Variants in ZC2HC1B observed in about 807,000 individuals in gnomAD.
The protein encoded by ZC2HC1B is zinc finger C2HC domain-containing protein 1B.
A neutral mutation model predicts 31.0 loss-of-function variants in ZC2HC1B; 36 were observed. The observed-to-expected ratio is 1.16, with a 90% CI of 0.89 to 1.54. ZC2HC1B has a LOEUF of 1.54. Ranked by LOEUF, ZC2HC1B falls within the 40% of genes most tolerant of loss-of-function variation. The probability of loss-of-function intolerance (pLI) is 0.00; values close to 1 mark genes in which losing one functional copy is unlikely to be tolerated. For missense variants in ZC2HC1B, 260 were observed against 268.6 expected (o/e 0.97, Z 0.22); for synonymous variants, 73 against 88.0 (o/e 0.83, Z 0.95).
At position 143,934,441 on chromosome 6, in the gene ZC2HC1B, C is replaced by T. The variant is rs1467621763; in HGVS notation, c.599-3208C>T. ...TTATGATTTTGAATTCCTTTTCTGG[C>T]ATTTCATCAATTTTTTTGTTGCAAT... On this transcript the variant is annotated intron_variant, in intron 6 of 7. Transcript: ENST00000237275. The surrounding 1 kb of genome is among the most constrained non-coding windows in gnomAD (Gnocchi z 4.6). Among the ~76,000 whole-genome samples the T allele has an allele frequency of 6.6e-6, 1 of 152,198 alleles. No homozygotes were observed. The highest frequency in any genetic ancestry group is 1.9e-4 in the East Asian group (1 of 5,194).
At position 143,922,424 on chromosome 6, in the gene ZC2HC1B, T is replaced by C. The variant is rs1007453307; in HGVS notation, c.599-15225T>C. Among the ~76,000 whole-genome samples the C allele has an allele frequency of 1.3e-5, 2 of 152,216 alleles. No homozygotes were observed. Among genetic ancestry groups the C allele is most frequent in the East Asian group, 1.9e-4 (1 of 5,198 alleles). ...CTATCAAACACTAGAACTTATTCTT[T>C]CTATCTAACTGTATTTCGTACCTAC... On this transcript the variant is annotated intron_variant, in intron 6 of 7. Transcript: ENST00000237275. The surrounding 1 kb of genome is among the most constrained non-coding windows in gnomAD (Gnocchi z 5.0).
Position 143,886,037 on chromosome 6 carries a change from G to A in ZC2HC1B, c.96G>A (p.Arg32=), listed in dbSNP as rs1162633568. ...CCCTACTCTTCGTTTTCTAGGAAAG[G>A]CATGGACCAATATGTAAGAAACTCT... ...GRRFAADVLE[R]HGPICKKLFN... is the part of the protein sequence containing the mutation. Residue 32 remains arginine (R), a synonymous_variant, in exon 3 of 8, where the codon AGG becomes AGA. Coordinates refer to ENST00000237275, the MANE Select transcript of ZC2HC1B (RefSeq NM_001013623.3). This position sits in a 1 kb window ranked among gnomAD's most constrained non-coding sequence, Gnocchi z 4.2. The A allele has an allele frequency of 4.6e-6, 7 of 1,530,692 alleles. No homozygotes were observed. The highest frequency in any genetic ancestry group is 5.3e-6 in the Non-Finnish European group (6 of 1,140,562). 94.8% of individuals were successfully genotyped at this position (1,530,692 alleles called of 1,614,324 possible).
At position 143,882,334 on chromosome 6, in the gene ZC2HC1B, TTATATATA is replaced by T. The variant is rs59777839; in HGVS notation, c.29-1942_29-1935del. On this transcript the variant is annotated intron_variant, in intron 1 of 7. Coordinates refer to ENST00000237275, the MANE Select transcript of ZC2HC1B (RefSeq NM_001013623.3). ...AATATGTATACATATTTTATATTTTTTATATATATATATATATATATATATATATATAT... is the reference window on the plus strand; with the variant it reads ...AATATGTATACATATTTTATATTTTTTATATATATATATATATATATATAT... 8.4e-4 allele frequency among the ~76,000 whole-genome samples: 72 copies of T among 85,536 alleles called. 3 individuals are homozygous for T. The highest frequency in any genetic ancestry group is 3.7e-3 in the African/African-American group (58 of 15,696). 56.1% of individuals were successfully genotyped at this position (85,536 alleles called of 152,430 possible). A position where few individuals can be genotyped will look rare whatever the true frequency, so the allele number is the denominator to read the frequency against.
intron 6 of ZC2HC1B, among the ~76,000 whole-genome samples, chr6:143,928,476 T>A (rs1204544205): frequency 1.4e-4 from 22 of 152,202 alleles, no homozygotes; most frequent in Non-Finnish European, 1.0e-4. Flanking sequence ...TCTATATGTC[T>A]ATGTTTATAC....
rs1777880855 is a variant in ZC2HC1B at position 143,913,199 on chromosome 6, G to A, written c.598+10047G>A. On this transcript the variant is annotated intron_variant, in intron 6 of 7. Transcript: ENST00000237275. This position sits in a 1 kb window ranked among gnomAD's most constrained non-coding sequence, Gnocchi z 5.7. Reference sequence around the variant, plus strand: ...CTCTGTCCCTAATATGTGCAGGCAGGTGTGGCTGGAGTGTCCAGCTAGAAG... The same window carrying A: ...CTCTGTCCCTAATATGTGCAGGCAGATGTGGCTGGAGTGTCCAGCTAGAAG... Among the ~76,000 whole-genome samples, 1 of 152,202 alleles carries A rather than the reference G, an allele frequency of 6.6e-6. No individual in the cohort carries two copies. The highest frequency in any genetic ancestry group is 6.5e-5 in the Admixed American group (1 of 15,286).
In ZC2HC1B at chr6:143,908,415, A is replaced by G. The variant is rs1216580356; in HGVS notation, c.598+5263A>G. On this transcript the variant is annotated intron_variant, in intron 6 of 7. Coordinates refer to ENST00000237275, the MANE Select transcript of ZC2HC1B (RefSeq NM_001013623.3). The surrounding 1 kb of genome is among the most constrained non-coding windows in gnomAD (Gnocchi z 4.4). Reference sequence around the variant, plus strand: ...GATTCTTCCTATTCATGAGCATGGTATATTTTTCCATTTGTTTGTGTCATC... The same window carrying G: ...GATTCTTCCTATTCATGAGCATGGTGTATTTTTCCATTTGTTTGTGTCATC... Among the ~76,000 whole-genome samples, 1 of 152,158 alleles carries G rather than the reference A, an allele frequency of 6.6e-6. No homozygotes were observed. Among genetic ancestry groups the G allele is most frequent in the Non-Finnish European group, 1.5e-5 (1 of 68,022 alleles).
chr6:143,882,999 T>C (rs1777487684), intron 1 of ZC2HC1B, among the ~76,000 whole-genome samples: 1 of 152,092 alleles, frequency 6.6e-6, no homozygotes, highest in South Asian at 2.1e-4. Flanking sequence ...GAATCACTCA[T>C]CTCCTATTTC....
At chr6:143,873,337 C>T (rs1039716204) in intron 1 of ZC2HC1B, among the ~76,000 whole-genome samples, 1 of 152,220 alleles carries the variant, frequency 6.6e-6, no homozygotes, top group East Asian at 1.9e-4. Flanking sequence ...AGCCTCCTTC[C>T]TGCCTGCTTT....
chr6:143,925,773 A>G (rs1423900600), intron 6 of ZC2HC1B, among the ~76,000 whole-genome samples: 1 of 151,974 alleles, frequency 6.6e-6, no homozygotes, highest in Non-Finnish European at 1.5e-5. Flanking sequence ...TCCTGACCTC[A>G]GGAAGCCCAC....
chr6:143,884,203 A>G lies in ZC2HC1B; in HGVS notation c.29-101A>G, dbSNP rs574354365. On this transcript the variant is annotated intron_variant, in intron 1 of 7. Transcript: ENST00000237275. The surrounding 1 kb of genome is among the most constrained non-coding windows in gnomAD (Gnocchi z 5.1). ...AGCAGTTGGTGGGGAGGGAAAAGAG[A>G]GTGAGGATATCAAGCTATTGAGGTC... 3.8e-5 allele frequency: 39 copies of G among 1,019,398 alleles called. 1 individual carries two copies. The South Asian group carries it at 7.3e-4, about 19-fold the overall frequency. 63.1% of individuals were successfully genotyped at this position (1,019,398 alleles called of 1,614,324 possible). A position where few individuals can be genotyped will look rare whatever the true frequency, so the allele number is the denominator to read the frequency against.
intron 1 of ZC2HC1B, among the ~76,000 whole-genome samples, chr6:143,877,252 C>T (rs1432731580): frequency 7.3e-6 from 1 of 136,652 alleles, no homozygotes; most frequent in African/African-American, 2.9e-5. Context: ...GAGTTTTTCT[C>T]CTAAAGATTT....
intron 6 of ZC2HC1B, among the ~76,000 whole-genome samples, chr6:143,919,388 A>AT (rs1777961386): frequency 7.4e-6 from 1 of 134,642 alleles, no homozygotes; most frequent in Non-Finnish European, 1.7e-5. Context: ...TCATATATGT[A>AT]GTTTTTTAAA....
At position 143,913,259 on chromosome 6, in the gene ZC2HC1B, G is replaced by C. The variant is rs1463078677; in HGVS notation, c.598+10107G>C. Among the ~76,000 whole-genome samples, 1 of 152,224 alleles carries C rather than the reference G, an allele frequency of 6.6e-6. No homozygotes were observed. The highest frequency in any genetic ancestry group is 1.5e-5 in the Non-Finnish European group (1 of 68,042). On this transcript the variant is annotated intron_variant, in intron 6 of 7. Coordinates refer to ENST00000237275, the MANE Select transcript of ZC2HC1B (RefSeq NM_001013623.3). The surrounding 1 kb of genome is among the most constrained non-coding windows in gnomAD (Gnocchi z 5.7). ...AGTGAGGAAGAAGCAGTCTGGCTGT[G>C]ATCTGGCAAAGCTGCTGTGTTGTAC...
rs1463489006 is a variant in ZC2HC1B, at chr6:143,905,353, TTTGA to T, written c.598+2205_598+2208del. On this transcript the variant is annotated intron_variant, in intron 6 of 7. Coordinates refer to ENST00000237275, the MANE Select transcript of ZC2HC1B (RefSeq NM_001013623.3). This position sits in a 1 kb window ranked among gnomAD's most constrained non-coding sequence, Gnocchi z 4.2. Reference sequence around the variant, plus strand: ...AAATGTAGTTGTCTTCATAATTTTTTTTGATTGTTCATTGTCAGTATATAGAAAC... The same window carrying T: ...AAATGTAGTTGTCTTCATAATTTTTTTTGTTCATTGTCAGTATATAGAAAC... Among the ~76,000 whole-genome samples the T allele has an allele frequency of 1.3e-5, 2 of 152,202 alleles. No individual in the cohort carries two copies. Among genetic ancestry groups the T allele is most frequent in the Admixed American group, 6.5e-5 (1 of 15,270 alleles).
rs951434447 is a variant in ZC2HC1B, at chr6:143,903,191, G to A, written c.598+39G>A. ...CGCATTTCATCTCTCAAATGATGGGGGTCAGAGGAGATCACTGTTGGGTTT... is the reference window on the plus strand; with the variant it reads ...CGCATTTCATCTCTCAAATGATGGGAGTCAGAGGAGATCACTGTTGGGTTT... On this transcript the variant is annotated intron_variant, in intron 6 of 7. Transcript: ENST00000237275. The surrounding 1 kb of genome is among the most constrained non-coding windows in gnomAD (Gnocchi z 4.3). 6.6e-7 allele frequency: 1 copy of A among 1,510,438 alleles called. No individual in the cohort carries two copies. Among genetic ancestry groups the A allele is most frequent in the African/African-American group, 1.4e-5 (1 of 72,270 alleles). The allele number at this position is 1,510,438 out of a possible 1,614,324, so 93.6% of individuals were successfully genotyped here.
In ZC2HC1B at chr6:143,886,702, C is replaced by T. The variant is rs985574683; in HGVS notation, c.230C>T (p.Ser77Phe). The change falls in exon 4 of 8, where the codon TCT becomes TTT. Residue 77 changes from serine (S) to phenylalanine (F), a missense_variant. Coordinates refer to ENST00000237275, the MANE Select transcript of ZC2HC1B (RefSeq NM_001013623.3). The surrounding 1 kb of genome is among the most constrained non-coding windows in gnomAD (Gnocchi z 4.2). ...TTACAGTCTCCACCTGTGAGGAAGT[C>T]TAACTGGAGACAACAACATGAAGAC... ...PQSKSPPVRK[S>F]NWRQQHEDFI... 4 of 1,543,286 alleles carry T rather than the reference C, an allele frequency of 2.6e-6. No homozygotes were observed. The African/African-American group carries it at 4.1e-5, about 16-fold the overall frequency.
At chr6:143,927,430 C>T (rs916669257) in intron 6 of ZC2HC1B, among the ~76,000 whole-genome samples, 4 of 152,100 alleles carry the variant, frequency 2.6e-5, no homozygotes. Flanking sequence ...TGTTATTTTA[C>T]TTGAGATAAT....
intron 6 of ZC2HC1B, 125 bp from the exon 7 acceptor site, chr6:143,937,524 A>C (rs1331203097): frequency 3.0e-4 from 143 of 484,258 alleles, no homozygotes; most frequent in Middle Eastern, 1.7e-3. Flanking sequence ...ACACTCCCCC[A>C]CCTCCCACCA....
At chr6:143,902,083 A>G (rs1777744611) in intron 5 of ZC2HC1B, among the ~76,000 whole-genome samples, 1 of 152,136 alleles carries the variant, frequency 6.6e-6, no homozygotes, top group African/African-American at 2.4e-5. Context: ...TCCAGAGCTG[A>G]GTGGTGATTG....
Sources: gnomAD v4.1 joint callset for allele counts (sites outside exome capture counted in the v4.1 genomes callset) on GRCh38, gnomAD v4.1.1 for gene constraint, Gnocchi (gnomAD v3.1) non-coding constraint, MANE v1.5 for transcripts, NCBI Gene and HGNC (gene_info 2026-07-23, HGNC 2026-07-21) for gene names.